CBL: variants seen among roughly 807,000 people sequenced by gnomAD.
CBL encodes Cbl proto-oncogene, also known as E3 ubiquitin-protein ligase CBL.
In CBL, 45 loss-of-function variants were observed where a neutral mutation model predicts 96.9. The observed-to-expected ratio is 0.46, with a 90% confidence interval of 0.37 to 0.60. CBL has a LOEUF of 0.60. Among genes scored for constraint, CBL ranks in the 20% least tolerant of loss-of-function variants. CBL has a pLI of 0.00. For synonymous variants in CBL, 420 were observed against 426.8 expected, an observed-to-expected ratio of 0.98 and a Z score of 0.20; for missense variants, 1,024 against 1,143.5, an observed-to-expected ratio of 0.90 and a Z score of 1.51.
intron 2 of CBL, among the ~76,000 whole-genome samples, chr11:119,255,622 G>T (rs1397671932): frequency 1.3e-5 from 2 of 152,034 alleles, no homozygotes; most frequent in African/African-American, 4.8e-5. Flanking sequence ...AGTCAAGCTA[G>T]TACATATAAA....
intron 2 of CBL, among the ~76,000 whole-genome samples, chr11:119,260,768 A>G (rs1468508392): frequency 6.6e-6 from 1 of 151,886 alleles, no homozygotes; most frequent in East Asian, 1.9e-4. Context: ...CTACTGCACT[A>G]CTATGCTGAT....
intron 6 of CBL, among the ~76,000 whole-genome samples, chr11:119,276,958 A>G (rs959390228): frequency 3.3e-5 from 5 of 152,186 alleles, no homozygotes; most frequent in African/African-American, 1.2e-4. Context: ...TTAAACTAAG[A>G]AGTTAAGCCG....
chr11:119,236,090 G>T (rs1290013237), intron 2 of CBL, among the ~76,000 whole-genome samples: 2 of 151,668 alleles, frequency 1.3e-5, no homozygotes, highest in African/African-American at 2.4e-5. Context: ...CATAAAATTT[G>T]CCCTTTTAAA....
intron 2 of CBL, 27 bp from the exon 3 acceptor site, chr11:119,271,708 T>A: frequency 6.2e-7 from 1 of 1,600,328 alleles, no homozygotes; most frequent in Non-Finnish European, 8.6e-7. Flanking sequence ...TTTATGTGTT[T>A]AATTATTGCA....
chr11:119,251,244 C>G (rs921667319), intron 2 of CBL, among the ~76,000 whole-genome samples: 3 of 152,192 alleles, frequency 2.0e-5, no homozygotes, highest in Admixed American at 2.0e-4. Flanking sequence ...AGCTAAATAA[C>G]CTGGCCTTTG....
At chr11:119,297,975 T>C (rs1449719650) in intron 14 of CBL, among the ~76,000 whole-genome samples, 2 of 152,142 alleles carry the variant, frequency 1.3e-5, no homozygotes, top group Non-Finnish European at 2.9e-5. Context: ...GAACACTCAA[T>C]TCCCATGTTA....
At chr11:119,248,742 G>T (rs1301922172) in intron 2 of CBL, among the ~76,000 whole-genome samples, 2 of 152,170 alleles carry the variant, frequency 1.3e-5, no homozygotes, top group African/African-American at 2.4e-5. Flanking sequence ...TTATATATTT[G>T]ATAAGGGATC....
intron 2 of CBL, among the ~76,000 whole-genome samples, chr11:119,233,699 G>C (rs1055737347): frequency 1.3e-5 from 2 of 152,196 alleles, no homozygotes; most frequent in African/African-American, 2.4e-5. Flanking sequence ...TCTAGAATGA[G>C]TAATAAAATA....
At chr11:119,248,721 A>C (rs1388403722) in intron 2 of CBL, among the ~76,000 whole-genome samples, 2 of 152,234 alleles carry the variant, frequency 1.3e-5, no homozygotes, top group Non-Finnish European at 2.9e-5. Flanking sequence ...ATGGGTCAAA[A>C]TATTTACAAG....
intron 1 of CBL, among the ~76,000 whole-genome samples, chr11:119,231,675 T>C (rs1391645124): frequency 2.0e-5 from 3 of 152,072 alleles, no homozygotes; most frequent in East Asian, 3.9e-4. Context: ...ACCATTGCAC[T>C]CTAGCCTGGG....
chr11:119,242,607 T>A (rs1949595381), intron 2 of CBL, among the ~76,000 whole-genome samples: 1 of 149,528 alleles, frequency 6.7e-6, no homozygotes, highest in African/African-American at 2.5e-5. Context: ...ACAAAAAATT[T>A]AAAAAAGAAA....
At chr11:119,265,955 G>C (rs1023767338) in intron 2 of CBL, among the ~76,000 whole-genome samples, 3 of 148,724 alleles carry the variant, frequency 2.0e-5, no homozygotes, top group Non-Finnish European at 4.4e-5. Flanking sequence ...CCGGGAGAGA[G>C]GGTGCAGTGA....
At chr11:119,227,256 A>G (rs1054422974) in intron 1 of CBL, among the ~76,000 whole-genome samples, 1 of 152,212 alleles carries the variant, frequency 6.6e-6, no homozygotes. Flanking sequence ...TGTTATGAAC[A>G]TGTTTAAGGT....
rs148474386 is a variant in CBL, at chr11:119,285,398, G to A, written c.1773G>A (p.Leu591=). 6.2e-7 allele frequency: 1 copy of A among 1,614,012 alleles called. No individual in the cohort carries two copies. The highest frequency in any genetic ancestry group is 1.3e-5 in the African/African-American group (1 of 74,906). ...VPSSRLGDSW[L]PRPIPKVPVS... ...CTAGCCGCCTTGGAGACTCATGGCT[G>A]CCCCGGCCAATCCCCAAAGTACCAG... The change falls in exon 11 of 16, where the codon CTG becomes CTA. Residue 591 remains leucine (L), a synonymous_variant. Coordinates refer to ENST00000264033, the MANE Select transcript of CBL (RefSeq NM_005188.4).
At chr11:119,249,524 C>T (rs1323748099) in intron 2 of CBL, among the ~76,000 whole-genome samples, 6 of 131,820 alleles carry the variant, frequency 4.6e-5, no homozygotes, top group South Asian at 2.4e-4. Context: ...TGCACTCCAG[C>T]GTGGGTGACA....
chr11:119,279,058 T>C (rs1949912848), intron 9 of CBL, among the ~76,000 whole-genome samples: 1 of 152,228 alleles, frequency 6.6e-6, no homozygotes, highest in South Asian at 2.1e-4. Context: ...ATGTTCTTAC[T>C]GTCTGTATTT....
intron 2 of CBL, among the ~76,000 whole-genome samples, chr11:119,249,502 G>T (rs1039721444): frequency 6.7e-6 from 1 of 149,160 alleles, no homozygotes; most frequent in African/African-American, 2.5e-5. Context: ...TCGCAGTGAG[G>T]TGAGACGCCA....
chr11:119,217,535 A>ATACTGACTT (rs1444787722), intron 1 of CBL, among the ~76,000 whole-genome samples: 1 of 152,198 alleles, frequency 6.6e-6, no homozygotes, highest in African/African-American at 2.4e-5. Flanking sequence ...TCTTGTTAAA[A>ATACTGACTT]TACTGACTTT....
intron 11 of CBL, among the ~76,000 whole-genome samples, chr11:119,287,368 G>A (rs1949991873): frequency 6.6e-6 from 1 of 152,218 alleles, no homozygotes; most frequent in Non-Finnish European, 1.5e-5. Flanking sequence ...GAAATCCAAG[G>A]AGGCAGAATG....
Sources: allele counts gnomAD v4.1 joint callset (sites outside exome capture counted in the v4.1 genomes callset), GRCh38; gene constraint gnomAD v4.1.1; transcripts MANE v1.5; gene names NCBI Gene and HGNC (gene_info 2026-07-23, HGNC 2026-07-21).